Variants in PPP4C observed in about 807,000 individuals in gnomAD.
The protein encoded by PPP4C is serine/threonine-protein phosphatase 4 catalytic subunit.
Under a neutral mutation model 40.5 loss-of-function variants are expected in PPP4C, and 10 were observed. The observed-to-expected ratio is 0.25, with a 90% CI of 0.15 to 0.42. The LOEUF is 0.42. PPP4C is among the 10% of genes least tolerant of loss of function. The pLI, the probability that PPP4C is intolerant of heterozygous loss-of-function variation, is 1.00. For synonymous variants in PPP4C, 187 were observed against 163.6 expected (o/e 1.14, Z -1.09); for missense variants, 191 against 416.4 (o/e 0.46, Z 4.71).
In PPP4C at chr16:30,085,284, T is replaced by C. The variant is rs946848119; in HGVS notation, c.*222T>C. On this transcript the variant is annotated 3_prime_UTR_variant, in exon 9 of 9. Coordinates refer to ENST00000279387, the MANE Select transcript of PPP4C (RefSeq NM_002720.3). The stretch of plus-strand genomic sequence containing the variant: ...TGAACCATGAAGTTTCCAATAATTT[T>C]TTTTTCTTTTTTTCCTTCTTTTTTC... The C allele has an allele frequency of 1.5e-5, 6 of 405,880 alleles. No homozygotes were observed. Among genetic ancestry groups the C allele is most frequent in the African/African-American group, 6.2e-5 (3 of 48,764 alleles). 25.1% of individuals were successfully genotyped at this position (405,880 alleles called of 1,614,324 possible).
chr16:30,077,250 A>G (rs987999068), intron 2 of PPP4C, among the ~76,000 whole-genome samples: 1 of 152,200 alleles, frequency 6.6e-6, no homozygotes, highest in Non-Finnish European at 1.5e-5. Context: ...TTATTTGTAA[A>G]GCAGAATTAA....
At position 30,085,149 on chromosome 16, in the gene PPP4C, G is replaced by GC. The variant is rs879794492; in HGVS notation, c.*87_*88insC. 4,372 of 1,518,522 alleles carry GC rather than the reference G, an allele frequency of 2.9e-3. 13 individuals are homozygous for GC. The highest frequency in any genetic ancestry group is 3.7e-3 in the Non-Finnish European group (4,115 of 1,113,682). 94.1% of individuals were successfully genotyped at this position (1,518,522 alleles called of 1,614,324 possible). ...CTTCCTCAGACGGAGGCTGGGCGTGGGGGGGGCTGTCCTGGCTCTGCTGTC... is the reference window on the plus strand; with the variant it reads ...CTTCCTCAGACGGAGGCTGGGCGTGGCGGGGGGCTGTCCTGGCTCTGCTGTC... On this transcript the variant is annotated 3_prime_UTR_variant, in exon 9 of 9. Transcript: ENST00000279387.
intron 2 of PPP4C, 35 bp downstream of exon 2, chr16:30,076,510 C>T (rs373709777): frequency 1.9e-6 from 3 of 1,570,112 alleles, no homozygotes; most frequent in Non-Finnish European, 2.6e-6. Flanking sequence ...GGAGGCCAAG[C>T]CGCCGCCCAC....
intron 2 of PPP4C, among the ~76,000 whole-genome samples, chr16:30,078,948 T>C (rs2072453698): frequency 6.6e-6 from 1 of 152,104 alleles, no homozygotes; most frequent in Admixed American, 6.5e-5. Context: ...GTGGCAGAAC[T>C]GGGGCTGGAA....
In PPP4C at chr16:30,076,320, C is replaced by T. The variant is rs1328481795; in HGVS notation, c.-58C>T. On this transcript the variant is annotated 5_prime_UTR_variant, in exon 2 of 9. Transcript: ENST00000279387. ...CTCGTCTTGGCCTTTCCCAGGAGAC[C>T]CCTGTGCGGTGCGGAGGGGGCGGCG... is the stretch of plus-strand genomic sequence containing the variant. The T allele has an allele frequency of 8.3e-6, 13 of 1,563,464 alleles. No individual in the cohort carries two copies. Among genetic ancestry groups the T allele is most frequent in the African/African-American group, 1.4e-5 (1 of 73,736 alleles).
intron 3 of PPP4C, 122 bp from the exon 4 acceptor site, chr16:30,082,362 G>C (rs1250137487): frequency 1.0e-6 from 1 of 996,688 alleles, no homozygotes. Context: ...GGAGAATTTT[G>C]GTCCTAGGAA....
At chr16:30,077,342 G>A (rs568649545) in intron 2 of PPP4C, among the ~76,000 whole-genome samples, 1 of 152,308 alleles carries the variant, frequency 6.6e-6, no homozygotes, top group Admixed American at 6.5e-5. Flanking sequence ...TACAGCATAC[G>A]TGCTTGATAA....
At position 30,081,298 on chromosome 16, in the gene PPP4C, C is replaced by T. The variant is rs769547093; in HGVS notation, c.138C>T (p.Asp46=). The change falls in exon 3 of 9, where the codon GAC becomes GAT. Residue 46 remains aspartate, a synonymous_variant. Transcript: ENST00000279387. Reference sequence around the variant, plus strand: ...AGGAGAGCAACGTGCAGAGGGTGGACTCGCCAGTCACAGTGAGTACCTGCT... The same window carrying T: ...AGGAGAGCAACGTGCAGAGGGTGGATTCGCCAGTCACAGTGAGTACCTGCT... ...LVEESNVQRV[D]SPVTVCGDIH... is the part of the protein sequence containing the mutation. 6.2e-7 allele frequency: 1 copy of T among 1,613,734 alleles called. No individual in the cohort carries two copies. Among genetic ancestry groups the T allele is most frequent in the African/African-American group, 1.3e-5 (1 of 75,026 alleles).
intron 1 of PPP4C, 74 bp downstream of exon 1, chr16:30,076,168 T>A (rs2072386957): frequency 1.9e-6 from 1 of 515,584 alleles, no homozygotes; most frequent in African/African-American, 2.6e-5. Flanking sequence ...TTAGCGGGGG[T>A]GCGGCCAGGC....
intron 7 of PPP4C, among the ~76,000 whole-genome samples, 185 bp from the exon 8 acceptor site, chr16:30,084,481 T>G (rs2072579996): frequency 6.6e-6 from 1 of 152,248 alleles, no homozygotes; most frequent in Non-Finnish European, 1.5e-5. Flanking sequence ...CTCTGGAGCT[T>G]ATCTGCCCCT....
Position 30,081,208 on chromosome 16 carries a change from T to TTGGGC in PPP4C, c.99-42_99-38dup, listed in dbSNP as rs748650479. 41 of 1,611,828 alleles carry TTGGGC rather than the reference T, an allele frequency of 2.5e-5. No homozygotes were observed. The Admixed American group carries it at 4.2e-4, about 16-fold the overall frequency. On this transcript the variant is annotated intron_variant, in intron 2 of 8. Transcript: ENST00000279387. The stretch of plus-strand genomic sequence containing the variant: ...CCCTCCCCCCAAAAAAGGTCAGGAA[T>TTGGGC]TGGGCTGGGCTGGCCTGGCTGTGGT...
At chr16:30,078,387 G>A (rs1411550191) in intron 2 of PPP4C, among the ~76,000 whole-genome samples, 1 of 152,182 alleles carries the variant, frequency 6.6e-6, no homozygotes, top group Non-Finnish European at 1.5e-5. Context: ...GTCACTGAGA[G>A]CCAGGCAGAG....
Position 30,084,870 on chromosome 16 carries a change from C to T in PPP4C, c.794+15C>T. 1 of 1,613,934 alleles carries T rather than the reference C, an allele frequency of 6.2e-7. No individual in the cohort carries two copies. Among genetic ancestry groups the T allele is most frequent in the Non-Finnish European group, 8.5e-7 (1 of 1,179,800 alleles). Reference sequence around the variant, plus strand: ...TACTGCTACCGGTGAGCCGGCTGGGCCGGGCTGGGATGGGCGGGCATCTGA... The same window carrying T: ...TACTGCTACCGGTGAGCCGGCTGGGTCGGGCTGGGATGGGCGGGCATCTGA... On this transcript the variant is annotated intron_variant, in intron 8 of 8. Coordinates refer to ENST00000279387, the MANE Select transcript of PPP4C (RefSeq NM_002720.3).
intron 8 of PPP4C, 25 bp downstream of exon 8, chr16:30,084,880 A>C (rs564079411): frequency 6.2e-7 from 1 of 1,613,718 alleles, no homozygotes; most frequent in East Asian, 2.2e-5. Context: ...CCGGGCTGGG[A>C]TGGGCGGGCA....
At chr16:30,079,355 A>G (rs1378513540) in intron 2 of PPP4C, among the ~76,000 whole-genome samples, 6 of 151,860 alleles carry the variant, frequency 4.0e-5, no homozygotes, top group Non-Finnish European at 8.8e-5. Context: ...ATGCCCAGCT[A>G]ATTTTTGTAT....
Position 30,085,048 on chromosome 16 carries a change from G to A in PPP4C, c.910G>A (p.Asp304Asn). ...RGIPSKKPVA[D>N]YFL Reference sequence around the variant, plus strand: ...CATCCCCTCCAAGAAGCCCGTGGCCGACTACTTCCTGTGACCCCGCCCGGC... The same window carrying A: ...CATCCCCTCCAAGAAGCCCGTGGCCAACTACTTCCTGTGACCCCGCCCGGC... The change falls in exon 9 of 9, where the codon GAC becomes AAC. Residue 304 changes from aspartate (D) to asparagine (N), a missense_variant. This residue lies in a region of PPP4C where 20 missense variants were observed against 41.0 expected (regional missense o/e 0.49). Coordinates refer to ENST00000279387, the MANE Select transcript of PPP4C (RefSeq NM_002720.3). 2 of 1,613,952 alleles carry A rather than the reference G, an allele frequency of 1.2e-6. No individual in the cohort carries two copies. The highest frequency in any genetic ancestry group is 1.1e-5 in the South Asian group (1 of 91,066).
In PPP4C at chr16:30,084,659, G is replaced by A. The variant is rs747961728; in HGVS notation, c.605-7G>A. 42 of 1,613,270 alleles carry A rather than the reference G, an allele frequency of 2.6e-5. No homozygotes were observed. Among genetic ancestry groups the A allele is most frequent in the East Asian group, 2.2e-4 (10 of 44,880 alleles). On this transcript the variant is annotated splice_polypyrimidine_tract_variant and splice_region_variant and intron_variant, in intron 7 of 8. Coordinates refer to ENST00000279387, the MANE Select transcript of PPP4C (RefSeq NM_002720.3). ...CATCCCTCTCCATCCCTCCCTTTCC[G>A]CATCAGACACCACAGGCTGGGGCGT... is the stretch of plus-strand genomic sequence containing the variant.
chr16:30,081,146 C>G, intron 2 of PPP4C, 113 bp from the exon 3 acceptor site: 1 of 1,477,872 alleles, frequency 6.8e-7, no homozygotes. Context: ...CGCTTCACTC[C>G]TGCCCCCTGG....
chr16:30,082,288 A>C (rs547891072), intron 3 of PPP4C, among the ~76,000 whole-genome samples, 196 bp from the exon 4 acceptor site: 1 of 152,170 alleles, frequency 6.6e-6, no homozygotes, highest in African/African-American at 2.4e-5. Flanking sequence ...TGCCTACAGA[A>C]TAGTTGGTAC....
Sources: gnomAD v4.1 joint callset for allele counts (sites outside exome capture counted in the v4.1 genomes callset) on GRCh38, gnomAD v4.1.1 for gene constraint, gnomAD v4.1.1 regional missense constraint, MANE v1.5 for transcripts, NCBI Gene and HGNC (gene_info 2026-07-23, HGNC 2026-07-21) for gene names.